Variants in BAHCC1 observed in about 807,000 individuals in gnomAD.
BAHCC1 encodes BAH and coiled-coil domain-containing protein 1.
BAHCC1 carries 43 observed loss-of-function variants against 88.2 expected under a neutral mutation model. That is an observed-to-expected ratio of 0.49 (90% CI 0.38 to 0.63). The LOEUF is 0.63. Ranked by LOEUF, BAHCC1 falls within the 20% of genes least tolerant of loss-of-function variation. The pLI is 0.00. For synonymous variants in BAHCC1, 1,510 were observed against 745.5 expected, an observed-to-expected ratio of 2.03 and a Z score of -16.71; for missense variants, 3,023 against 1,654.8, an observed-to-expected ratio of 1.83 and a Z score of -14.34.
Position 81,435,346 on chromosome 17 carries a change from T to G in BAHCC1, c.359-3024T>G, listed in dbSNP as rs1359867442. Reference sequence around the variant, plus strand: ...GTCTGTCCCATCACAGGACTGAGTTTGGAGTCTCCTGCCCACCGCAGTAGC... The same window carrying G: ...GTCTGTCCCATCACAGGACTGAGTTGGGAGTCTCCTGCCCACCGCAGTAGC... On this transcript the variant is annotated intron_variant, in intron 3 of 27. Coordinates refer to ENST00000675386, the MANE Select transcript of BAHCC1 (RefSeq NM_001377448.1). This position sits in a 1 kb window ranked among gnomAD's most constrained non-coding sequence, Gnocchi z 4.4. The G allele has an allele frequency of 6.8e-6, 3 of 438,798 alleles. No homozygotes were observed. Among genetic ancestry groups the G allele is most frequent in the African/African-American group, 2.0e-5 (1 of 49,508 alleles). 27.2% of individuals were successfully genotyped at this position (438,798 alleles called of 1,614,324 possible). A position where few individuals can be genotyped will look rare whatever the true frequency, so the allele number is the denominator to read the frequency against.
chr17:81,398,241 GGA>G (rs2063766277), intron 1 of BAHCC1, among the ~76,000 whole-genome samples: 3 of 152,208 alleles, frequency 2.0e-5, no homozygotes, highest in Admixed American at 2.0e-4. Flanking sequence ...GGGACGCCTG[GGA>G]GCACGGTGGT....
chr17:81,412,550 C>T (rs531350979), intron 2 of BAHCC1, among the ~76,000 whole-genome samples: 7 of 152,304 alleles, frequency 4.6e-5, no homozygotes, highest in East Asian at 3.9e-4. Flanking sequence ...TGGGGCCCGT[C>T]GGCCAGGGCA....
At chr17:81,426,099 G>T (rs1159276207) in intron 2 of BAHCC1, among the ~76,000 whole-genome samples, 1 of 78,880 alleles carries the variant, frequency 1.3e-5, no homozygotes, top group South Asian at 4.4e-4. Flanking sequence ...GGTGGTGATA[G>T]TGGTGGGTGA....
In BAHCC1 at chr17:81,442,432, C is replaced by T. The variant is rs1335371517; in HGVS notation, c.1083C>T (p.Ala361=). The T allele has an allele frequency of 1.1e-5, 8 of 708,172 alleles. No homozygotes were observed. Among genetic ancestry groups the T allele is most frequent in the Middle Eastern group, 3.2e-4 (1 of 3,092 alleles). The allele number at this position is 708,172 out of a possible 1,614,324, so 43.9% of individuals were successfully genotyped here. A position where few individuals can be genotyped will look rare whatever the true frequency, so the allele number is the denominator to read the frequency against. Residue 361 remains alanine, a synonymous_variant, in exon 5 of 28, where the codon GCC becomes GCT. Transcript: ENST00000675386. ...AGPPPPLSTA[A]GSFPCLQLHG... Reference sequence around the variant, plus strand: ...CACCCCCGCCCCTCAGCACAGCCGCCGGCTCCTTCCCCTGCCTGCAGCTGC... The same window carrying T: ...CACCCCCGCCCCTCAGCACAGCCGCTGGCTCCTTCCCCTGCCTGCAGCTGC...
chr17:81,447,605 G>C lies in BAHCC1; in HGVS notation c.3733G>C (p.Gly1245Arg), dbSNP rs1245369112. ...CATGGAGGACTCAGAGGAGGACTGT[G>C]GCGGAGCTCCCGACAACAGCCACCC... ...QSMEDSEEDC[G>R]GAPDNSHPPR... The change falls in exon 11 of 28, where the codon GGC becomes CGC. Residue 1245 changes from glycine to arginine, a missense_variant. Transcript: ENST00000675386. 4 of 749,208 alleles carry C rather than the reference G, an allele frequency of 5.3e-6. No homozygotes were observed. The highest frequency in any genetic ancestry group is 7.4e-6 in the Non-Finnish European group (3 of 403,408). 46.4% of individuals were successfully genotyped at this position (749,208 alleles called of 1,614,324 possible). A position where few individuals can be genotyped will look rare whatever the true frequency, so the allele number is the denominator to read the frequency against.
rs1555654887 is a variant in BAHCC1 at position 81,447,536 on chromosome 17, C to T, written c.3664C>T (p.Pro1222Ser). 1.3e-6 allele frequency: 1 copy of T among 755,660 alleles called. No homozygotes were observed. Among genetic ancestry groups the T allele is most frequent in the Admixed American group, 1.8e-5 (1 of 54,914 alleles). 46.8% of individuals were successfully genotyped at this position (755,660 alleles called of 1,614,324 possible). ...ALEDEGEQPA[P>S]EEDELEEDEL... Reference sequence around the variant, plus strand: ...TGAGGACGAGGGGGAGCAGCCGGCCCCTGAGGAGGACGAGCTGGAGGAAGA... The same window carrying T: ...TGAGGACGAGGGGGAGCAGCCGGCCTCTGAGGAGGACGAGCTGGAGGAAGA... Residue 1222 changes from proline (P) to serine (S), a missense_variant, in exon 11 of 28, where the codon CCT (proline) becomes TCT (serine). Physicochemically the swap from Pro to Ser is moderately conservative, Grantham distance 74 (BLOSUM62 -1). Transcript: ENST00000675386.
rs1555652827 is a variant in BAHCC1, at chr17:81,442,464, G to T, written c.1115G>T (p.Gly372Val). ...TTCCCCTGCCTGCAGCTGCACGGGG[G>T]CCCTGACGGGCTCTGCCCGCTGCAG... is the stretch of plus-strand genomic sequence containing the variant. The part of the protein sequence containing the change: ...GSFPCLQLHG[G>V]PDGLCPLQDK... The change falls in exon 5 of 28, where the codon GGC (glycine) becomes GTC (valine). Residue 372 changes from glycine (G) to valine (V), a missense_variant. Physicochemically the swap from Gly to Val is moderately radical, Grantham distance 109 (BLOSUM62 -3). Transcript: ENST00000675386. 1.4e-6 allele frequency: 1 copy of T among 717,564 alleles called. No homozygotes were observed. Among genetic ancestry groups the T allele is most frequent in the Non-Finnish European group, 2.6e-6 (1 of 387,216 alleles). The allele number at this position is 717,564 out of a possible 1,614,324, so 44.4% of individuals were successfully genotyped here.
chr17:81,438,558 T>C, intron 4 of BAHCC1, 66 bp downstream of exon 4: 1 of 720,488 alleles, frequency 1.4e-6, no homozygotes, highest in Non-Finnish European at 2.6e-6. Context: ...GCGCAGGAGC[T>C]TCTGGGGCAC....
chr17:81,457,349 C>T, intron 16 of BAHCC1, 61 bp from the exon 17 acceptor site: 6 of 716,018 alleles, frequency 8.4e-6, no homozygotes, highest in South Asian at 6.0e-5. Context: ...GGTCACCTCC[C>T]CCACCTCTCA....
In BAHCC1 at chr17:81,445,525, G is replaced by T. The variant is rs376167216; in HGVS notation, c.3007G>T (p.Ala1003Ser). The T allele has an allele frequency of 8.4e-6, 6 of 718,150 alleles. No homozygotes were observed. In the African/African-American group the frequency reaches 1.1e-4, roughly 13 times the overall value. The allele number at this position is 718,150 out of a possible 1,614,324, so 44.5% of individuals were successfully genotyped here. Residue 1003 changes from alanine (A) to serine (S), a missense_variant, in exon 10 of 28, where the codon GCC becomes TCC. Ala to Ser is a moderately conservative substitution (Grantham distance 99). Coordinates refer to ENST00000675386, the MANE Select transcript of BAHCC1 (RefSeq NM_001377448.1). ...CCATCCGCCCGACCCAAAGCCCCCC[G>T]CCAGCTCCCCCACCCCACCACCTCG... Reference protein sequence around the residue: ...CCHPPDPKPPASSPTPPPRPS... With the variant: ...CCHPPDPKPPSSSPTPPPRPS...
intron 2 of BAHCC1, chr17:81,421,881 G>A (rs562277123): frequency 6.0e-5 from 20 of 336,090 alleles, no homozygotes; most frequent in African/African-American, 3.6e-4. Context: ...GCCTGGGCAC[G>A]GAATTGGGGT....
chr17:81,401,741 T>G (rs560726882), intron 2 of BAHCC1: 4 of 152,608 alleles, frequency 2.6e-5, no homozygotes, highest in Admixed American at 2.6e-4. Flanking sequence ...CCCCTGACAC[T>G]GAGGCTTGCA....
chr17:81,443,681 C>T, intron 5 of BAHCC1, 117 bp downstream of exon 5: 2 of 640,600 alleles, frequency 3.1e-6, no homozygotes, highest in Non-Finnish European at 5.7e-6. Context: ...CCCTCCGAGG[C>T]CCCAGGACCA....
chr17:81,434,653 G>A lies in BAHCC1; in HGVS notation c.359-3717G>A, dbSNP rs2064311631. Among the ~76,000 whole-genome samples, 1 of 151,996 alleles carries A rather than the reference G, an allele frequency of 6.6e-6. No homozygotes were observed. The highest frequency in any genetic ancestry group is 1.5e-5 in the Non-Finnish European group (1 of 67,972). On this transcript the variant is annotated intron_variant, in intron 3 of 27. Coordinates refer to ENST00000675386, the MANE Select transcript of BAHCC1 (RefSeq NM_001377448.1). The surrounding 1 kb of genome is among the most constrained non-coding windows in gnomAD (Gnocchi z 4.9). ...GCTGGCGTCCCTCCCTCCTAGACCTGGCCGTGAAGATACCCCAAGTTCAGC... is the reference window on the plus strand; with the variant it reads ...GCTGGCGTCCCTCCCTCCTAGACCTAGCCGTGAAGATACCCCAAGTTCAGC...
chr17:81,462,625 CACTCACACTCAG>C, intron 26 of BAHCC1, 103 bp from the exon 27 acceptor site: 3 of 629,090 alleles, frequency 4.8e-6, no homozygotes, highest in Admixed American at 2.8e-5. Context: ...GCGCCCTGCA[CACTCACACTCAG>C]ACTCACACTC....
In BAHCC1 at chr17:81,458,895, C is replaced by CGGAAGAGGAGGAGGACGAGGA. The variant is rs781945218; in HGVS notation, c.5548_5568dup (p.Glu1850_Asp1856dup). The CGGAAGAGGAGGAGGACGAGGA allele has an allele frequency of 7.0e-5, 54 of 774,048 alleles. No individual in the cohort carries two copies. The highest frequency in any genetic ancestry group is 4.4e-4 in the African/African-American group (26 of 59,080). 47.9% of individuals were successfully genotyped at this position (774,048 alleles called of 1,614,324 possible). ...GAGTTCGACGACAACAGCAGCTTCT[C>CGGAAGAGGAGGAGGACGAGGA]GGAAGAGGAGGAGGACGAGGAGGAA... On this transcript the variant is annotated inframe_insertion, in exon 20 of 28. Transcript: ENST00000675386.
rs561834856 is a variant in BAHCC1, at chr17:81,408,735, T to A, written c.178+8818T>A. ...CCAGCCCTGACCACCCACCTGGGTCTGTCCCACAGAGCCTGGCAGCAGCCC... is the reference window on the plus strand; with the variant it reads ...CCAGCCCTGACCACCCACCTGGGTCAGTCCCACAGAGCCTGGCAGCAGCCC... On this transcript the variant is annotated intron_variant, in intron 2 of 27. Transcript: ENST00000675386. Among the ~76,000 whole-genome samples the A allele has an allele frequency of 6.7e-4, 102 of 152,302 alleles. No individual in the cohort carries two copies. The Middle Eastern group carries it at 0.024, about 36-fold the overall frequency.
intron 4 of BAHCC1, among the ~76,000 whole-genome samples, 198 bp from the exon 5 acceptor site, chr17:81,441,633 G>T (rs1468562678): frequency 1.4e-5 from 2 of 138,130 alleles, no homozygotes; most frequent in Non-Finnish European, 3.0e-5. Context: ...CAGCACTGCA[G>T]CCTGGGCGAC....
intron 21 of BAHCC1, 33 bp downstream of exon 21, chr17:81,459,201 G>T: frequency 1.3e-6 from 1 of 771,128 alleles, no homozygotes; most frequent in Non-Finnish European, 2.4e-6. Flanking sequence ...CAGGGCAGGG[G>T]CCTGGAGGGC....
Sources: allele counts gnomAD v4.1 joint callset (sites outside exome capture counted in the v4.1 genomes callset), GRCh38; gene constraint gnomAD v4.1.1; non-coding constraint Gnocchi (gnomAD v3.1); transcripts MANE v1.5; gene names NCBI Gene and HGNC (gene_info 2026-07-23, HGNC 2026-07-21).